Variants in ZFR2 observed in about 807,000 individuals in gnomAD.
ZFR2 encodes the protein zinc finger RNA-binding protein 2.
ZFR2 carries 104 observed loss-of-function variants against 105.7 expected under a neutral mutation model. That is an observed-to-expected ratio of 0.98 (90% confidence interval 0.84 to 1.16). The LOEUF is 1.16. Ranked by LOEUF, ZFR2 falls within the 50% of genes most tolerant of loss-of-function variation. The probability of loss-of-function intolerance (pLI) is 0.00; values close to 1 mark genes in which losing one functional copy is unlikely to be tolerated. For missense variants in ZFR2, 1,425 were observed against 1,355.5 expected, an observed-to-expected ratio of 1.05 and a Z score of -0.80; for synonymous variants, 634 against 597.7, an observed-to-expected ratio of 1.06 and a Z score of -0.89.
intron 1 of ZFR2, among the ~76,000 whole-genome samples, chr19:3,843,427 C>T (rs1171974603): frequency 9.9e-5 from 15 of 152,158 alleles, no homozygotes; most frequent in Admixed American, 1.3e-4. Context: ...GTTGAGATCG[C>T]GCCACTGCAC....
intron 1 of ZFR2, among the ~76,000 whole-genome samples, chr19:3,835,427 G>A (rs958005988): frequency 6.6e-6 from 1 of 151,512 alleles, no homozygotes; most frequent in Non-Finnish European, 1.5e-5. Flanking sequence ...CCAGGTTCAA[G>A]CAATTCTCCT....
chr19:3,805,884 GGTCGGCGCGCACAC>G lies in ZFR2; in HGVS notation c.*51_*64del. On this transcript the variant is annotated 3_prime_UTR_variant, in exon 19 of 19. Coordinates refer to ENST00000262961, the MANE Select transcript of ZFR2 (RefSeq NM_015174.2). ...CAACGTCGGGGATGAAGCAGCCATT[GGTCGGCGCGCACAC>G]GTCCAGGAGTGCAGGGATGCAAAGG... The G allele has an allele frequency of 2.1e-6, 3 of 1,421,702 alleles. No homozygotes were observed. Among genetic ancestry groups the G allele is most frequent in the Non-Finnish European group, 2.8e-6 (3 of 1,086,354 alleles). 88.1% of individuals were successfully genotyped at this position (1,421,702 alleles called of 1,614,324 possible).
At chr19:3,841,961 A>G (rs1218520602) in intron 1 of ZFR2, among the ~76,000 whole-genome samples, 2 of 151,820 alleles carry the variant, frequency 1.3e-5, no homozygotes, top group Non-Finnish European at 2.9e-5. Context: ...CAAAATCCAT[A>G]ATACTCTTAA....
chr19:3,866,094 G>A (rs1294814386), intron 1 of ZFR2, among the ~76,000 whole-genome samples: 1 of 152,018 alleles, frequency 6.6e-6, no homozygotes, highest in Non-Finnish European at 1.5e-5. Flanking sequence ...CGCTTGCCTC[G>A]GCCTCCCAAA....
At chr19:3,836,732 C>T (rs545848106) in intron 1 of ZFR2, among the ~76,000 whole-genome samples, 29 of 152,236 alleles carry the variant, frequency 1.9e-4, no homozygotes, top group Non-Finnish European at 3.5e-4. Context: ...ACGGTCTAGA[C>T]GAGAAAACCT....
In ZFR2 at chr19:3,819,183, GC is replaced by G; in HGVS notation, c.1792del (p.Ala598ProfsTer56). The G allele has an allele frequency of 6.3e-7, 1 of 1,593,548 alleles. No homozygotes were observed. The highest frequency in any genetic ancestry group is 1.1e-5 in the South Asian group (1 of 90,234). ...SDDRHVMCKH[A>X]TIYPTEQELL... ...CTCCTGCTCCGTGGGGTAGATGGTG[GC>G]GTGCTTGCACATGACGTGCCGGTCG... On this transcript the variant is annotated frameshift_variant, in exon 12 of 19. Coordinates refer to ENST00000262961, the MANE Select transcript of ZFR2 (RefSeq NM_015174.2). LOFTEE classifies it high-confidence loss of function.
At chr19:3,833,340 G>A (rs1454216898) in intron 3 of ZFR2, among the ~76,000 whole-genome samples, 1 of 152,030 alleles carries the variant, frequency 6.6e-6, no homozygotes, top group East Asian at 1.9e-4. Flanking sequence ...ACTTTGGGAG[G>A]CCAAGGCGGG....
intron 1 of ZFR2, among the ~76,000 whole-genome samples, chr19:3,844,461 G>A (rs908809617): frequency 6.6e-6 from 1 of 151,758 alleles, no homozygotes; most frequent in Non-Finnish European, 1.5e-5. Context: ...TCCACCTCCT[G>A]GGTTCAAGTG....
chr19:3,849,260 T>C (rs760592107), intron 1 of ZFR2, among the ~76,000 whole-genome samples: 5 of 152,140 alleles, frequency 3.3e-5, no homozygotes, highest in Non-Finnish European at 7.4e-5. Context: ...CAGGAACCTG[T>C]GGGGCTTTCT....
intron 13 of ZFR2, among the ~76,000 whole-genome samples, chr19:3,816,327 C>A (rs4806956): frequency 0.15 from 21,760 of 149,054 alleles, 1,934 homozygotes; most frequent in East Asian, 0.29. Context: ...CTCAGTGCAA[C>A]CTCTGCCTCC....
In ZFR2 at chr19:3,834,701, A is replaced by G. The variant is rs184980424; in HGVS notation, c.264+72T>C. ...CCTGGGAGAAGGAGTAGCTGTGGGAAGCCCACCGCTCTCACCCATGCAAGG... is the reference window on the plus strand; with the variant it reads ...CCTGGGAGAAGGAGTAGCTGTGGGAGGCCCACCGCTCTCACCCATGCAAGG... On this transcript the variant is annotated intron_variant, in intron 2 of 18. Transcript: ENST00000262961. This position sits in a 1 kb window ranked among gnomAD's most constrained non-coding sequence, Gnocchi z 5.3. The G allele has an allele frequency of 6.8e-7, 1 of 1,462,264 alleles. No homozygotes were observed. Among genetic ancestry groups the G allele is most frequent in the Non-Finnish European group, 9.4e-7 (1 of 1,063,970 alleles). The allele number at this position is 1,462,264 out of a possible 1,614,324, so 90.6% of individuals were successfully genotyped here.
chr19:3,860,393 G>A (rs2145193550), intron 1 of ZFR2, among the ~76,000 whole-genome samples: 1 of 152,234 alleles, frequency 6.6e-6, no homozygotes, highest in South Asian at 2.1e-4. Context: ...TTTGAATGGA[G>A]TCAAGAGGCC....
intron 17 of ZFR2, among the ~76,000 whole-genome samples, chr19:3,808,267 G>T (rs1210366027): frequency 6.6e-6 from 1 of 152,248 alleles, no homozygotes; most frequent in Non-Finnish European, 1.5e-5. Flanking sequence ...GTGTGTGCGT[G>T]TGCATGCCTA....
Position 3,813,615 on chromosome 19 carries a change from T to C in ZFR2, c.2242+205A>G, listed in dbSNP as rs1344315519. ...GCCAGGCTCTGAGCCCATCTGATGC[T>C]GTCACCGACTCGCCGCCTCTGCTGC... On this transcript the variant is annotated intron_variant, in intron 14 of 18. Transcript: ENST00000262961. This position sits in a 1 kb window ranked among gnomAD's most constrained non-coding sequence, Gnocchi z 4.4. Among the ~76,000 whole-genome samples the C allele has an allele frequency of 6.6e-6, 1 of 152,208 alleles. No homozygotes were observed. The highest frequency in any genetic ancestry group is 1.5e-5 in the Non-Finnish European group (1 of 68,020).
At chr19:3,857,685 G>A (rs888410129) in intron 1 of ZFR2, among the ~76,000 whole-genome samples, 3 of 125,174 alleles carry the variant, frequency 2.4e-5, no homozygotes, top group Admixed American at 8.8e-5. Context: ...AATGAAGCGA[G>A]ACCCTGTCTC....
In ZFR2 at chr19:3,810,550, T is replaced by C. The variant is rs540358548; in HGVS notation, c.2433+200A>G. Among the ~76,000 whole-genome samples the C allele has an allele frequency of 1.1e-4, 17 of 152,334 alleles. No individual in the cohort carries two copies. The South Asian group carries it at 2.1e-3, about 19-fold the overall frequency. On this transcript the variant is annotated intron_variant, in intron 16 of 18. Coordinates refer to ENST00000262961, the MANE Select transcript of ZFR2 (RefSeq NM_015174.2). ...TGCATGTGAGGTTCTGGGTTTTGAA[T>C]AGTGGCAGTCAAATGAGGCTGTGGA...
In ZFR2 at chr19:3,834,856, G is replaced by T; in HGVS notation, c.181C>A (p.Gln61Lys). 6.2e-7 allele frequency: 1 copy of T among 1,611,968 alleles called. No homozygotes were observed. Among genetic ancestry groups the T allele is most frequent in the Non-Finnish European group, 8.5e-7 (1 of 1,179,206 alleles). The part of the protein sequence containing the change: ...PAAPAGYGGY[Q>K]PHSGQDFAYG... The stretch of plus-strand genomic sequence containing the variant: ...GCGAAGTCCTGGCCGGAGTGGGGCT[G>T]GTATCCACCGTACCCTGCCGGGGCA... Residue 61 changes from glutamine to lysine, a missense_variant, in exon 2 of 19, where the codon CAG (glutamine) becomes AAG (lysine). Coordinates refer to ENST00000262961, the MANE Select transcript of ZFR2 (RefSeq NM_015174.2). The surrounding 1 kb of genome is among the most constrained non-coding windows in gnomAD (Gnocchi z 5.3).
chr19:3,816,459 T>C (rs965744935), intron 13 of ZFR2, among the ~76,000 whole-genome samples: 1 of 151,986 alleles, frequency 6.6e-6, no homozygotes, highest in African/African-American at 2.4e-5. Flanking sequence ...TTGGCCAGGC[T>C]GGTTTCAAAC....
intron 1 of ZFR2, among the ~76,000 whole-genome samples, chr19:3,844,013 T>TGTGG (rs1555757819): frequency 2.9e-5 from 1 of 34,750 alleles, no homozygotes; most frequent in Non-Finnish European, 4.7e-5. Flanking sequence ...AAGTAGGATG[T>TGTGG]GGGGGGGGGG....
Sources: allele counts gnomAD v4.1 joint callset (sites outside exome capture counted in the v4.1 genomes callset), GRCh38; gene constraint gnomAD v4.1.1; non-coding constraint Gnocchi (gnomAD v3.1); transcripts MANE v1.5; gene names NCBI Gene and HGNC (gene_info 2026-07-23, HGNC 2026-07-21).